Variants in PISD observed in about 807,000 individuals in gnomAD.
PISD encodes the protein phosphatidylserine decarboxylase proenzyme, mitochondrial.
Under a neutral mutation model 43.5 loss-of-function variants are expected in PISD, and 31 were observed. The ratio of observed to expected loss-of-function variants is 0.71; its 90% CI spans 0.54 to 0.96. The LOEUF is 0.96. Among genes scored for constraint, PISD ranks in the 40% least tolerant of loss-of-function variants. PISD has a pLI of 0.00. For missense variants in PISD, 523 were observed against 548.4 expected, an observed-to-expected ratio of 0.95 and a Z score of 0.46; for synonymous variants, 259 against 228.7, an observed-to-expected ratio of 1.13 and a Z score of -1.20.
chr22:31,654,189 G>T (rs887513656), intron 1 of PISD, among the ~76,000 whole-genome samples: 1 of 151,962 alleles, frequency 6.6e-6, no homozygotes, highest in Admixed American at 6.6e-5. Context: ...CTTACTTGAC[G>T]TCTCAGCAGC....
In PISD at chr22:31,662,199, A is replaced by G. The variant is rs748813948; in HGVS notation, c.10T>C (p.Ser4Pro). 3.2e-5 allele frequency: 51 copies of G among 1,604,282 alleles called. No homozygotes were observed. The highest frequency in any genetic ancestry group is 4.2e-5 in the Non-Finnish European group (50 of 1,179,814). The change falls in exon 1 of 8, where the codon TCC (serine) becomes CCC (proline). Residue 4 changes from serine to proline, a missense_variant. Ser to Pro is a moderately conservative substitution (Grantham distance 74). Coordinates refer to ENST00000439502, the MANE Select transcript of PISD (RefSeq NM_001326411.2). The part of the protein sequence containing the change: MAT[S>P]VGHRCLGLLH... Reference sequence around the variant, plus strand: ...AATCCCAGACATCGGTGCCCCACGGACGTCGCCATCTTGTCTGCTCCTTCT... The same window carrying G: ...AATCCCAGACATCGGTGCCCCACGGGCGTCGCCATCTTGTCTGCTCCTTCT...
rs201838933 is a variant in PISD, at chr22:31,620,733, C to T, written c.845-20G>A. 70 of 1,613,584 alleles carry T rather than the reference C, an allele frequency of 4.3e-5. No homozygotes were observed. In the East Asian group the frequency reaches 1.3e-3, roughly 30 times the overall value. ...GGGAGCCTGCAGAGGCAGGGAATGC[C>T]GCTACTCCCCGTCCAGAGCCCGGTG... On this transcript the variant is annotated intron_variant, in intron 6 of 7. Coordinates refer to ENST00000439502, the MANE Select transcript of PISD (RefSeq NM_001326411.2).
At chr22:31,623,561 C>A in intron 3 of PISD, 2 of 993,166 alleles carry the variant, frequency 2.0e-6, no homozygotes, top group Admixed American at 2.8e-5. Context: ...GACCCGGACC[C>A]CCTGAAGATG....
intron 1 of PISD, 32 bp downstream of exon 1, chr22:31,662,112 C>A: frequency 1.3e-6 from 2 of 1,589,978 alleles, no homozygotes; most frequent in Non-Finnish European, 1.7e-6. Flanking sequence ...GGTTGCCCCA[C>A]GCCCCAAGGT....
chr22:31,639,615 A>T (rs774595850), intron 3 of PISD, among the ~76,000 whole-genome samples: 12 of 152,208 alleles, frequency 7.9e-5, no homozygotes, highest in Non-Finnish European at 1.6e-4. Context: ...GGAAAAGAGG[A>T]AACAGGCAAT....
intron 1 of PISD, among the ~76,000 whole-genome samples, chr22:31,654,349 C>T (rs1462578527): frequency 1.3e-5 from 2 of 152,130 alleles, no homozygotes; most frequent in Non-Finnish European, 2.9e-5. Context: ...GCCCAGGGTT[C>T]AGATCTCTTC....
At chr22:31,644,039 C>G (rs2073811712) in intron 3 of PISD, among the ~76,000 whole-genome samples, 1 of 150,576 alleles carries the variant, frequency 6.6e-6, no homozygotes, top group Non-Finnish European at 1.5e-5. Context: ...CAGGGCGAGT[C>G]TCCGTCTCAA....
chr22:31,657,799 C>A (rs766481164), intron 1 of PISD, among the ~76,000 whole-genome samples: 1 of 152,148 alleles, frequency 6.6e-6, no homozygotes, highest in Admixed American at 6.5e-5. Context: ...GGATTACAGG[C>A]GTGAGCCACT....
chr22:31,633,250 G>T (rs1196596675), intron 3 of PISD, among the ~76,000 whole-genome samples: 2 of 152,174 alleles, frequency 1.3e-5, no homozygotes, highest in African/African-American at 4.8e-5. Context: ...TAGACCAGGG[G>T]AGAAAGGTCT....
intron 3 of PISD, among the ~76,000 whole-genome samples, chr22:31,636,281 CA>C (rs1409786394): frequency 6.6e-6 from 1 of 152,144 alleles, no homozygotes; most frequent in Non-Finnish European, 1.5e-5. Context: ...CTGTACTATA[CA>C]TTTTTTTTTT....
chr22:31,627,013 CGCGCGTGGTT>C (rs2072943977), intron 3 of PISD, among the ~76,000 whole-genome samples: 1 of 152,262 alleles, frequency 6.6e-6, no homozygotes, highest in Non-Finnish European at 1.5e-5. Context: ...TCGCTGTGGT[CGCGCGTGGTT>C]GAACATCTGA....
chr22:31,627,678 C>G (rs1171147523), intron 3 of PISD, among the ~76,000 whole-genome samples: 1 of 152,212 alleles, frequency 6.6e-6, no homozygotes, highest in African/African-American at 2.4e-5. Context: ...CCTTGGGGAG[C>G]CCCAGCCTCC....
chr22:31,662,131 C>G lies in PISD; in HGVS notation c.65+13G>C. ...GCCCCACGCCCCAAGGTAGTCTCTC[C>G]GCGCTGCTATACCTGCTCCGCCACG... On this transcript the variant is annotated intron_variant, in intron 1 of 7. Coordinates refer to ENST00000439502, the MANE Select transcript of PISD (RefSeq NM_001326411.2). 1 of 1,606,902 alleles carries G rather than the reference C, an allele frequency of 6.2e-7. No homozygotes were observed. Among genetic ancestry groups the G allele is most frequent in the South Asian group, 1.1e-5 (1 of 91,062 alleles).
rs572149448 is a variant in PISD at position 31,654,737 on chromosome 22, A to G, written c.66-3959T>C. 3.3e-5 allele frequency among the ~76,000 whole-genome samples: 5 copies of G among 152,252 alleles called. No individual in the cohort carries two copies. In the South Asian group the frequency reaches 1.0e-3, roughly 32 times the overall value. On this transcript the variant is annotated intron_variant, in intron 1 of 7. Transcript: ENST00000439502. ...ATTCACCTCCAAGCTTACCCCCACC[A>G]GCCAGCTTGATGCAGACAAACATGC... is the stretch of plus-strand genomic sequence containing the variant.
intron 3 of PISD, among the ~76,000 whole-genome samples, chr22:31,637,541 G>A (rs945030021): frequency 2.0e-5 from 3 of 152,006 alleles, no homozygotes; most frequent in African/African-American, 7.2e-5. Context: ...GGCAGCCACA[G>A]GGCTGTTCTG....
intron 1 of PISD, among the ~76,000 whole-genome samples, chr22:31,653,625 C>A (rs944607326): frequency 1.2e-4 from 18 of 152,198 alleles, no homozygotes; most frequent in Non-Finnish European, 1.9e-4. Context: ...GGAAATGCTT[C>A]ATTATATCAG....
chr22:31,648,688 C>T (rs2073951363), intron 2 of PISD, among the ~76,000 whole-genome samples: 1 of 151,612 alleles, frequency 6.6e-6, no homozygotes, highest in African/African-American at 2.4e-5. Context: ...AAAAAGAAGC[C>T]CTCAGTAGAG....
rs1016478858 is a variant in PISD, at chr22:31,625,954, G to C, written c.322-4069C>G. On this transcript the variant is annotated intron_variant, in intron 3 of 7. Coordinates refer to ENST00000439502, the MANE Select transcript of PISD (RefSeq NM_001326411.2). ...TCTGCCTCTGCGAGGCTGGTTGGTG[G>C]CGCCGCTTCCTGGGTTTGGTTCAGT... The C allele has an allele frequency of 2.0e-6, 3 of 1,485,408 alleles. No homozygotes were observed. In the African/African-American group the frequency reaches 4.2e-5, roughly 21 times the overall value. 92.0% of individuals were successfully genotyped at this position (1,485,408 alleles called of 1,614,324 possible). A position where few individuals can be genotyped will look rare whatever the true frequency, so the allele number is the denominator to read the frequency against.
intron 3 of PISD, among the ~76,000 whole-genome samples, chr22:31,647,556 T>C (rs1425487315): frequency 1.3e-5 from 2 of 152,200 alleles, no homozygotes; most frequent in Admixed American, 1.3e-4. Flanking sequence ...GTTTCACAAT[T>C]TACTGAATGT....
Sources: gnomAD v4.1 joint callset for allele counts (sites outside exome capture counted in the v4.1 genomes callset) on GRCh38, gnomAD v4.1.1 for gene constraint, MANE v1.5 for transcripts, NCBI Gene and HGNC (gene_info 2026-07-23, HGNC 2026-07-21) for gene names.